EREG: variants seen among roughly 807,000 people sequenced by gnomAD.
EREG encodes proepiregulin.
In EREG, 23 loss-of-function variants were observed where a neutral mutation model predicts 22.4. The ratio of observed to expected loss-of-function variants is 1.03; its 90% CI spans 0.74 to 1.46. The LOEUF (loss-of-function observed/expected upper bound fraction) is 1.46, where lower values mean the gene tolerates loss of function less well. Ranked by LOEUF, EREG falls within the 40% of genes most tolerant of loss-of-function variation. The probability of loss-of-function intolerance (pLI) is 0.00; values close to 1 mark genes in which losing one functional copy is unlikely to be tolerated. For synonymous variants in EREG, 100 were observed against 75.4 expected, an observed-to-expected ratio of 1.33 and a Z score of -1.69; for missense variants, 226 against 205.9, an observed-to-expected ratio of 1.10 and a Z score of -0.60.
chr4:74,365,511 T>C (rs959088406), intron 1 of EREG, 136 bp downstream of exon 1: 19 of 353,688 alleles, frequency 5.4e-5, no homozygotes, highest in Admixed American at 2.9e-4. Context: ...CGTCTTGTTT[T>C]GTGAGTCTGT....
chr4:74,387,689 T>C lies in EREG; in HGVS notation c.*2881T>C, dbSNP rs1752594997. 1 of 152,172 alleles carries C rather than the reference T, an allele frequency of 6.6e-6. No homozygotes were observed. Among genetic ancestry groups the C allele is most frequent in the Non-Finnish European group, 1.5e-5 (1 of 68,024 alleles). 9.4% of individuals were successfully genotyped at this position (152,172 alleles called of 1,614,324 possible). A position where few individuals can be genotyped will look rare whatever the true frequency, so the allele number is the denominator to read the frequency against. ...TGGGAAGATTTTAGTTCACACTTAG[T>C]CTAACTCCCCCATTTTACAGATTTC... On this transcript the variant is annotated 3_prime_UTR_variant, in exon 5 of 5. Transcript: ENST00000244869.
At chr4:74,383,573 A>C (rs1752517085) in intron 4 of EREG, among the ~76,000 whole-genome samples, 1 of 152,204 alleles carries the variant, frequency 6.6e-6, no homozygotes. Context: ...GGTTAGGAGC[A>C]AAGGATGGGA....
intron 1 of EREG, among the ~76,000 whole-genome samples, chr4:74,368,885 C>T (rs1752244858): frequency 6.6e-6 from 1 of 152,098 alleles, no homozygotes; most frequent in Non-Finnish European, 1.5e-5. Context: ...ACAGCCATTG[C>T]CTTGACATGG....
rs368828647 is a variant in EREG at position 74,384,831 on chromosome 4, C to A, written c.*23C>A. On this transcript the variant is annotated 3_prime_UTR_variant, in exon 5 of 5. Coordinates refer to ENST00000244869, the MANE Select transcript of EREG (RefSeq NM_001432.3). ...TGAATGGCGCCATCAAACTTATGGG[C>A]AGGGATAACAGTGTGCCTGGTTAAT... The A allele has an allele frequency of 1.2e-5, 17 of 1,432,848 alleles. No individual in the cohort carries two copies. The highest frequency in any genetic ancestry group is 1.7e-5 in the Non-Finnish European group (17 of 1,017,880). The allele number at this position is 1,432,848 out of a possible 1,614,324, so 88.8% of individuals were successfully genotyped here.
intron 1 of EREG, 60 bp downstream of exon 1, chr4:74,365,435 C>A: frequency 6.7e-7 from 1 of 1,486,622 alleles, no homozygotes; most frequent in Non-Finnish European, 9.3e-7. Flanking sequence ...AGGAAGGCTC[C>A]TGTGCATTTG....
intron 2 of EREG, 70 bp downstream of exon 2, chr4:74,379,604 C>A: frequency 3.3e-6 from 3 of 906,516 alleles, no homozygotes; most frequent in East Asian, 2.4e-5. Flanking sequence ...AACTCAAAGA[C>A]TATAAGTATG....
intron 4 of EREG, among the ~76,000 whole-genome samples, chr4:74,383,593 A>G (rs1343807581): frequency 6.6e-6 from 1 of 152,182 alleles, no homozygotes; most frequent in Non-Finnish European, 1.5e-5. Context: ...AACAGTGTGA[A>G]TTAATTAATA....
At chr4:74,383,763 A>G (rs1752521049) in intron 4 of EREG, among the ~76,000 whole-genome samples, 2 of 152,196 alleles carry the variant, frequency 1.3e-5, no homozygotes, top group African/African-American at 4.8e-5. Context: ...TTTTGTCCAC[A>G]TTTGATTCTA....
intron 1 of EREG, among the ~76,000 whole-genome samples, chr4:74,370,541 T>C (rs1444160713): frequency 6.6e-6 from 1 of 152,216 alleles, no homozygotes; most frequent in Non-Finnish European, 1.5e-5. Context: ...TAATAAGTTT[T>C]CTTCTCTCTC....
chr4:74,374,297 C>G (rs1752342313), intron 1 of EREG, among the ~76,000 whole-genome samples: 1 of 152,182 alleles, frequency 6.6e-6, no homozygotes, highest in Admixed American at 6.5e-5. Flanking sequence ...ATTTTGCTGA[C>G]TTGGCTTGGT....
In EREG at chr4:74,384,959, T is replaced by G; in HGVS notation, c.*151T>G. On this transcript the variant is annotated 3_prime_UTR_variant, in exon 5 of 5. Coordinates refer to ENST00000244869, the MANE Select transcript of EREG (RefSeq NM_001432.3). Reference sequence around the variant, plus strand: ...GAAAAATGTTTTTATTTTTGTTTTATTTTTGACAGACTATTTGCTAATGTA... The same window carrying G: ...GAAAAATGTTTTTATTTTTGTTTTAGTTTTGACAGACTATTTGCTAATGTA... The G allele has an allele frequency of 1.9e-6, 1 of 521,326 alleles. No homozygotes were observed. The allele number at this position is 521,326 out of a possible 1,614,324, so 32.3% of individuals were successfully genotyped here. A position where few individuals can be genotyped will look rare whatever the true frequency, so the allele number is the denominator to read the frequency against.
At chr4:74,384,496 G>C (rs974872256) in intron 4 of EREG, among the ~76,000 whole-genome samples, 4 of 151,632 alleles carry the variant, frequency 2.6e-5, no homozygotes, top group Non-Finnish European at 4.4e-5. Flanking sequence ...TAAAGACTTT[G>C]AGAAACTCTT....
At chr4:74,384,570 CTT>C (rs5859426) in intron 4 of EREG, among the ~76,000 whole-genome samples, 155 bp from the exon 5 acceptor site, 3,814 of 141,302 alleles carry the variant, frequency 0.027, 48 homozygotes, top group East Asian at 0.08. Context: ...CTTCATCCCT[CTT>C]TTTTTTTTTT....
Position 74,365,232 on chromosome 4 carries a change from G to A in EREG, c.-77G>A. The A allele has an allele frequency of 1.7e-6, 2 of 1,188,444 alleles. No homozygotes were observed. Among genetic ancestry groups the A allele is most frequent in the Non-Finnish European group, 2.4e-6 (2 of 818,188 alleles). The allele number at this position is 1,188,444 out of a possible 1,614,324, so 73.6% of individuals were successfully genotyped here. A position where few individuals can be genotyped will look rare whatever the true frequency, so the allele number is the denominator to read the frequency against. On this transcript the variant is annotated 5_prime_UTR_variant, in exon 1 of 5. Coordinates refer to ENST00000244869, the MANE Select transcript of EREG (RefSeq NM_001432.3). ...AGCCGCTCTCCAGCCACTGCCGCGA[G>A]CCCGTCTGCTCCCGCCCTGCCCGTG...
At position 74,369,667 on chromosome 4, in the gene EREG, G is replaced by A. The variant is rs548116102; in HGVS notation, c.67+4292G>A. 5.3e-5 allele frequency among the ~76,000 whole-genome samples: 8 copies of A among 152,096 alleles called. No individual in the cohort carries two copies. In the East Asian group the frequency reaches 9.6e-4, roughly 18 times the overall value. On this transcript the variant is annotated intron_variant, in intron 1 of 4. Transcript: ENST00000244869. ...TTTGAGGCATGAAAGTGATTGATAC[G>A]TGCACACACACACACATCTTTATAT...
In EREG at chr4:74,365,331, A is replaced by G; in HGVS notation, c.23A>G (p.Glu8Gly). 1 of 1,608,240 alleles carries G rather than the reference A, an allele frequency of 6.2e-7. No homozygotes were observed. Among genetic ancestry groups the G allele is most frequent in the Non-Finnish European group, 8.5e-7 (1 of 1,179,922 alleles). Residue 8 changes from glutamate to glycine, a missense_variant, in exon 1 of 5, where the codon GAG becomes GGG. Physicochemically the swap from Glu to Gly is moderately conservative, Grantham distance 98. Coordinates refer to ENST00000244869, the MANE Select transcript of EREG (RefSeq NM_001432.3). MTAGRRM[E>G]MLCAGRVPAL... Reference sequence around the variant, plus strand: ...CCGATGACCGCGGGGAGGAGGATGGAGATGCTCTGTGCCGGCAGGGTCCCT... The same window carrying G: ...CCGATGACCGCGGGGAGGAGGATGGGGATGCTCTGTGCCGGCAGGGTCCCT...
At chr4:74,365,650 A>C (rs1365577465) in intron 1 of EREG, among the ~76,000 whole-genome samples, 1 of 142,172 alleles carries the variant, frequency 7.0e-6, no homozygotes, top group Non-Finnish European at 1.5e-5. Flanking sequence ...ACAAAATAAA[A>C]AGTTGTTGAA....
In EREG at chr4:74,384,803, G is replaced by A. The variant is rs749901172; in HGVS notation, c.505G>A (p.Val169Ile). 1.2e-6 allele frequency: 2 copies of A among 1,606,770 alleles called. No individual in the cohort carries two copies. Among genetic ancestry groups the A allele is most frequent in the Non-Finnish European group, 1.7e-6 (2 of 1,173,740 alleles). ...VTSGDPELPQV is the reference protein window; with the variant it reads ...VTSGDPELPQI The stretch of plus-strand genomic sequence containing the variant: ...CTCAGGGGATCCAGAGTTGCCGCAA[G>A]TCTGAATGGCGCCATCAAACTTATG... Residue 169 changes from valine (V) to isoleucine (I), a missense_variant, in exon 5 of 5, where the codon GTC becomes ATC. Val to Ile is a conservative substitution (Grantham distance 29). Transcript: ENST00000244869.
intron 4 of EREG, among the ~76,000 whole-genome samples, chr4:74,383,740 A>G (rs759087707): frequency 6.6e-6 from 1 of 152,212 alleles, no homozygotes; most frequent in African/African-American, 2.4e-5. Flanking sequence ...CTACTTTCAT[A>G]ATATTAAATT....
Sources: gnomAD v4.1 joint callset for allele counts (sites outside exome capture counted in the v4.1 genomes callset) on GRCh38, gnomAD v4.1.1 for gene constraint, MANE v1.5 for transcripts, NCBI Gene and HGNC (gene_info 2026-07-23, HGNC 2026-07-21) for gene names.